Variants in DNAH11 observed in about 807,000 individuals in gnomAD.
The protein encoded by DNAH11 is dynein axonemal heavy chain 11.
In DNAH11, 442 loss-of-function variants were observed where a neutral mutation model predicts 526.0. That is an observed-to-expected ratio of 0.84 (90% CI 0.78 to 0.91). The LOEUF is 0.91. DNAH11 is among the 40% of genes least tolerant of loss of function. DNAH11 has a pLI of 0.00. For synonymous variants in DNAH11, 2,461 were observed against 1,935.9 expected (o/e 1.27, Z -7.12); for missense variants, 6,989 against 5,448.7 (o/e 1.28, Z -8.90).
intron 66 of DNAH11, among the ~76,000 whole-genome samples, chr7:21,844,249 A>G (rs1583763554): frequency 6.6e-6 from 1 of 152,106 alleles, no homozygotes; most frequent in Non-Finnish European, 1.5e-5. Flanking sequence ...ACATGGCAAA[A>G]CCCCATCTCT....
intron 57 of DNAH11, among the ~76,000 whole-genome samples, chr7:21,779,745 G>T (rs1179344922): frequency 6.6e-6 from 1 of 152,106 alleles, no homozygotes; most frequent in Non-Finnish European, 1.5e-5. Flanking sequence ...GGAAGACATA[G>T]TTTTGTACAT....
intron 28 of DNAH11, among the ~76,000 whole-genome samples, chr7:21,639,337 C>G (rs886224012): frequency 6.6e-6 from 1 of 151,606 alleles, no homozygotes; most frequent in Non-Finnish European, 1.5e-5. Context: ...ACACTGTCGC[C>G]AAATCCCCCA....
intron 63 of DNAH11, among the ~76,000 whole-genome samples, chr7:21,815,472 C>T (rs1377344733): frequency 6.6e-6 from 1 of 152,112 alleles, no homozygotes; most frequent in Non-Finnish European, 1.5e-5. Flanking sequence ...TGCATCCCAG[C>T]CTTAATGTGG....
intron 65 of DNAH11, among the ~76,000 whole-genome samples, chr7:21,827,274 G>A (rs539492547): frequency 3.9e-5 from 6 of 152,076 alleles, no homozygotes; most frequent in African/African-American, 1.4e-4. Context: ...TATATCAATC[G>A]ACAGCAAATG....
chr7:21,683,404 T>C (rs1429365938), intron 31 of DNAH11, among the ~76,000 whole-genome samples: 1 of 152,244 alleles, frequency 6.6e-6, no homozygotes, highest in Non-Finnish European at 1.5e-5. Context: ...AGTTTATTTA[T>C]GCCTCTGCGA....
intron 68 of DNAH11, among the ~76,000 whole-genome samples, chr7:21,856,072 G>A (rs1008974598): frequency 6.6e-6 from 1 of 152,104 alleles, no homozygotes; most frequent in Non-Finnish European, 1.5e-5. Flanking sequence ...GGTAGTGAGT[G>A]AATTTCTGTG....
intron 60 of DNAH11, among the ~76,000 whole-genome samples, chr7:21,788,075 C>T (rs990769099): frequency 7.9e-5 from 12 of 152,080 alleles, no homozygotes; most frequent in East Asian, 3.9e-4. Context: ...TTGTACTTTT[C>T]GGCAGTGTAG....
At chr7:21,605,079 C>T (rs546101445) in intron 18 of DNAH11, among the ~76,000 whole-genome samples, 1 of 152,280 alleles carries the variant, frequency 6.6e-6, no homozygotes, top group Non-Finnish European at 1.5e-5. Flanking sequence ...TTGTGTGTGC[C>T]TCTTGCTCAC....
At chr7:21,763,654 T>A (rs1787031521) in intron 54 of DNAH11, among the ~76,000 whole-genome samples, 1 of 151,178 alleles carries the variant, frequency 6.6e-6, no homozygotes, top group African/African-American at 2.4e-5. Flanking sequence ...CTCTTCTAGG[T>A]ATATAGCCAA....
chr7:21,553,856 G>C (rs1305989515), intron 2 of DNAH11, among the ~76,000 whole-genome samples: 1 of 151,826 alleles, frequency 6.6e-6, no homozygotes, highest in Admixed American at 6.6e-5. Context: ...GACCTTCTGA[G>C]CCTCCCTTAG....
chr7:21,565,279 G>A (rs556841975), intron 6 of DNAH11, among the ~76,000 whole-genome samples: 8 of 43,066 alleles, frequency 1.9e-4, no homozygotes, highest in Admixed American at 3.5e-4. Flanking sequence ...TAAGACCACA[G>A]GTCCTGTCGG....
chr7:21,543,743 G>A, intron 1 of DNAH11, 147 bp downstream of exon 1: 2 of 793,274 alleles, frequency 2.5e-6, no homozygotes. Flanking sequence ...AGGCCCGCAG[G>A]ACTCCTCCCC....
intron 65 of DNAH11, among the ~76,000 whole-genome samples, chr7:21,828,452 GT>G (rs201627699): frequency 2.6e-5 from 4 of 152,012 alleles, no homozygotes; most frequent in East Asian, 1.9e-4. Context: ...ATTTAGTAAA[GT>G]TTTTTTTCCC....
rs267601457 is a variant in DNAH11, at chr7:21,901,053, C to G, written c.13350C>G (p.Leu4450=). 1.2e-6 allele frequency: 2 copies of G among 1,613,394 alleles called. No homozygotes were observed. Among genetic ancestry groups the G allele is most frequent in the Non-Finnish European group, 1.7e-6 (2 of 1,179,620 alleles). ...TQAGTIVEAR[L]KELACPMPVI... is the part of the protein sequence containing the mutation. ...CAGGAACCATTGTTGAAGCCCGTCT[C>G]AAGGAGCTGGCATGCCCTATGCCGG... The change falls in exon 82 of 82, where the codon CTC becomes CTG. Residue 4450 remains leucine (L), a synonymous_variant. Coordinates refer to ENST00000409508, the MANE Select transcript of DNAH11 (RefSeq NM_001277115.2).
At position 21,775,984 on chromosome 7, in the gene DNAH11, A is replaced by G. The variant is rs1232014829; in HGVS notation, c.9336+1985A>G. Among the ~76,000 whole-genome samples the G allele has an allele frequency of 3.9e-5, 6 of 152,222 alleles. 1 individual carries two copies. The highest frequency in any genetic ancestry group is 2.6e-4 in the Admixed American group (4 of 15,266). The stretch of plus-strand genomic sequence containing the variant: ...CCATACTTAAAGGTTGTGAGCTAAA[A>G]GCAAGTGGGGTACCATCCTGGACCA... On this transcript the variant is annotated intron_variant, in intron 56 of 81. Transcript: ENST00000409508.
chr7:21,685,737 C>A (rs971235220), intron 32 of DNAH11, among the ~76,000 whole-genome samples: 5 of 152,194 alleles, frequency 3.3e-5, no homozygotes, highest in African/African-American at 1.2e-4. Flanking sequence ...AAGTGGGTAT[C>A]TCACTGTCCA....
rs543602342 is a variant in DNAH11, at chr7:21,633,604, T to C, written c.4501-2267T>C. 1.4e-3 allele frequency among the ~76,000 whole-genome samples: 209 copies of C among 152,344 alleles called. 1 individual carries two copies. The highest frequency in any genetic ancestry group is 3.4e-3 in the Middle Eastern group (1 of 294). ...GTTTATTTATTCATTGAGCACCTAA[T>C]TGTTACAGGCTCCAGGTATGATACC... On this transcript the variant is annotated intron_variant, in intron 25 of 81. Coordinates refer to ENST00000409508, the MANE Select transcript of DNAH11 (RefSeq NM_001277115.2).
chr7:21,778,498 A>G (rs1455641582), intron 56 of DNAH11, among the ~76,000 whole-genome samples: 1 of 152,166 alleles, frequency 6.6e-6, no homozygotes, highest in Non-Finnish European at 1.5e-5. Context: ...ATTAATCTGC[A>G]GTCAGGCAAG....
At chr7:21,559,555 G>C (rs1303167928) in intron 3 of DNAH11, 48 bp from the exon 4 acceptor site, 2 of 1,426,818 alleles carry the variant, frequency 1.4e-6, no homozygotes, top group Non-Finnish European at 1.9e-6. Flanking sequence ...TATGTCTTTG[G>C]ATAAAATGAT....
Sources: allele counts gnomAD v4.1 joint callset (sites outside exome capture counted in the v4.1 genomes callset), GRCh38; gene constraint gnomAD v4.1.1; transcripts MANE v1.5; gene names NCBI Gene and HGNC (gene_info 2026-07-23, HGNC 2026-07-21).